The following NRXN3 variants were observed in gnomAD, a reference collection of about 807,000 sequenced individuals.
The protein encoded by NRXN3 is neurexin III.
In NRXN3, 32 loss-of-function variants were observed where a neutral mutation model predicts 137.6. The ratio of observed to expected loss-of-function variants is 0.23; its 90% CI spans 0.18 to 0.31. The LOEUF is 0.31. Ranked by LOEUF, NRXN3 falls within the 10% of genes least tolerant of loss-of-function variation. The pLI is 1.00. For missense variants in NRXN3, 1,574 were observed against 2,062.5 expected (o/e 0.76, Z 4.59); for synonymous variants, 798 against 784.5 (o/e 1.02, Z -0.29).
chr14:79,719,020 T>A (rs2098833190), intron 19 of NRXN3, among the ~76,000 whole-genome samples: 1 of 152,192 alleles, frequency 6.6e-6, no homozygotes, highest in East Asian at 1.9e-4. Context: ...CACACTTGGA[T>A]TTTAAATGTT....
At chr14:79,847,893 T>C (rs549394954) in intron 20 of NRXN3, among the ~76,000 whole-genome samples, 1 of 152,174 alleles carries the variant, frequency 6.6e-6, no homozygotes, top group South Asian at 2.1e-4. Context: ...TTTTTTTTTT[T>C]TCATTTTGTT....
intron 16 of NRXN3, among the ~76,000 whole-genome samples, chr14:79,640,887 G>T (rs2098429189): frequency 7.4e-6 from 1 of 135,814 alleles, no homozygotes; most frequent in East Asian, 1.9e-4. Context: ...TACTTCCATG[G>T]TCTAGTTTCT....
At chr14:79,257,342 CCTG>C (rs2153391603) in intron 15 of NRXN3, among the ~76,000 whole-genome samples, 1 of 14,660 alleles carries the variant, frequency 6.8e-5, no homozygotes, top group South Asian at 2.6e-3. Flanking sequence ...TTGTCTTATT[CCTG>C]GTGGTGGTGG....
intron 16 of NRXN3, among the ~76,000 whole-genome samples, chr14:79,579,507 C>G (rs1250632076): frequency 6.6e-6 from 1 of 151,752 alleles, no homozygotes; most frequent in Non-Finnish European, 1.5e-5. Context: ...TAACCAGGAG[C>G]TCTCCAAATT....
chr14:79,050,391 G>C (rs1415986036), intron 15 of NRXN3, among the ~76,000 whole-genome samples: 1 of 152,150 alleles, frequency 6.6e-6, no homozygotes, highest in Non-Finnish European at 1.5e-5. Flanking sequence ...GCAAACACTT[G>C]AACCACCAGT....
chr14:79,795,238 G>C (rs574229047), intron 19 of NRXN3, among the ~76,000 whole-genome samples: 1 of 152,258 alleles, frequency 6.6e-6, no homozygotes, highest in East Asian at 1.9e-4. Flanking sequence ...AAATTATTTT[G>C]AATCAATATC....
At chr14:78,409,985 C>G (rs1411016575) in intron 4 of NRXN3, among the ~76,000 whole-genome samples, 2 of 152,156 alleles carry the variant, frequency 1.3e-5, no homozygotes, top group Non-Finnish European at 2.9e-5. Context: ...ACTTAGTTCT[C>G]CTCCTCTTGC....
intron 1 of NRXN3, among the ~76,000 whole-genome samples, chr14:78,234,996 A>ATATATATATATATATATATATGTG (rs2066003172): frequency 4.3e-5 from 1 of 23,410 alleles, no homozygotes; most frequent in Non-Finnish European, 7.0e-5. Flanking sequence ...AAATGCTTTT[A>ATATATATATATATATATATATGTG]TATATATATA....
intron 19 of NRXN3, among the ~76,000 whole-genome samples, chr14:79,752,327 G>A (rs1403619401): frequency 6.6e-6 from 1 of 151,982 alleles, no homozygotes; most frequent in Non-Finnish European, 1.5e-5. Flanking sequence ...ATACTACAAG[G>A]CTACAGTAAC....
intron 10 of NRXN3, among the ~76,000 whole-genome samples, chr14:78,913,382 C>T (rs1042954895): frequency 2.1e-5 from 3 of 142,208 alleles, no homozygotes; most frequent in African/African-American, 5.3e-5. Context: ...CGGGTTTAAG[C>T]GATTCTCCTG....
intron 16 of NRXN3, among the ~76,000 whole-genome samples, chr14:79,581,481 C>T (rs1381835498): frequency 6.6e-6 from 1 of 152,200 alleles, no homozygotes; most frequent in East Asian, 1.9e-4. Flanking sequence ...CTCCAGTACT[C>T]CTTCTTTCAA....
chr14:79,097,582 A>G (rs1024938566), intron 15 of NRXN3, among the ~76,000 whole-genome samples: 41 of 152,214 alleles, frequency 2.7e-4, no homozygotes, highest in Non-Finnish European at 1.8e-4. Flanking sequence ...TTGTGGCTGA[A>G]CTGGATGAAC....
chr14:78,874,969 C>G (rs925395138), intron 10 of NRXN3, among the ~76,000 whole-genome samples: 1 of 152,156 alleles, frequency 6.6e-6, no homozygotes, highest in African/African-American at 2.4e-5. Context: ...TTAGAGAGGA[C>G]AGACTTGAGC....
In NRXN3 at chr14:79,257,391, G is replaced by A. The variant is rs1009094470; in HGVS notation, c.3263-209830G>A. Among the ~76,000 whole-genome samples the A allele has an allele frequency of 1.5e-3, 111 of 72,278 alleles. 1 individual carries two copies. Among genetic ancestry groups the A allele is most frequent in the Admixed American group, 2.8e-3 (16 of 5,702 alleles). 47.4% of individuals were successfully genotyped at this position (72,278 alleles called of 152,430 possible). A position where few individuals can be genotyped will look rare whatever the true frequency, so the allele number is the denominator to read the frequency against. ...GGTGGTGGTGGTGGTGGTGGTGATGGTGGTGGTGGTGGTGGTGGTGGTGAT... is the reference window on the plus strand; with the variant it reads ...GGTGGTGGTGGTGGTGGTGGTGATGATGGTGGTGGTGGTGGTGGTGGTGAT... On this transcript the variant is annotated intron_variant, in intron 15 of 20. Transcript: ENST00000335750.
At chr14:79,806,951 T>TAC (rs2099208641) in intron 20 of NRXN3, among the ~76,000 whole-genome samples, 3 of 71,640 alleles carry the variant, frequency 4.2e-5, no homozygotes, top group African/African-American at 1.9e-4. Flanking sequence ...TATATATATA[T>TAC]ATATATATAT....
intron 10 of NRXN3, among the ~76,000 whole-genome samples, chr14:78,909,430 GA>G (rs570343044): frequency 6.6e-6 from 1 of 152,254 alleles, no homozygotes; most frequent in South Asian, 2.1e-4. Context: ...AGTGTTTTGA[GA>G]AAGCCAAATT....
Position 79,506,824 on chromosome 14 carries a change from A to T in NRXN3, c.3444+39422A>T, listed in dbSNP as rs543053058. Reference sequence around the variant, plus strand: ...CATATTCAATTTGCTTTAGAGGGGCATCACCCATACCTCTTCTTCCACTAG... The same window carrying T: ...CATATTCAATTTGCTTTAGAGGGGCTTCACCCATACCTCTTCTTCCACTAG... On this transcript the variant is annotated intron_variant, in intron 16 of 20. Transcript: ENST00000335750. 4.6e-5 allele frequency among the ~76,000 whole-genome samples: 7 copies of T among 152,302 alleles called. No homozygotes were observed. In the East Asian group the frequency reaches 1.4e-3, roughly 29 times the overall value.
At chr14:78,750,291 C>A (rs998451708) in intron 8 of NRXN3, among the ~76,000 whole-genome samples, 1 of 152,132 alleles carries the variant, frequency 6.6e-6, no homozygotes, top group African/African-American at 2.4e-5. Flanking sequence ...CAGATATAGT[C>A]GATATATCCT....
At chr14:78,859,163 G>T (rs989618951) in intron 10 of NRXN3, among the ~76,000 whole-genome samples, 2 of 152,046 alleles carry the variant, frequency 1.3e-5, no homozygotes, top group African/African-American at 2.4e-5. Context: ...ACTTTATTCT[G>T]CCACCCCATG....
Sources: gnomAD v4.1 joint callset for allele counts (sites outside exome capture counted in the v4.1 genomes callset) on GRCh38, gnomAD v4.1.1 for gene constraint, MANE v1.5 for transcripts, NCBI Gene and HGNC (gene_info 2026-07-23, HGNC 2026-07-21) for gene names.